The following RETREG1 variants were observed in gnomAD, a reference collection of about 807,000 sequenced individuals.
RETREG1 encodes the protein reticulophagy regulator 1.
In RETREG1, 44 loss-of-function variants were observed where a neutral mutation model predicts 54.8. That is an observed-to-expected ratio of 0.80 (90% CI 0.63 to 1.03). The LOEUF is 1.03. RETREG1 is among the 50% of genes least tolerant of loss of function. RETREG1 has a pLI of 0.00. For missense variants in RETREG1, 554 were observed against 605.1 expected, an observed-to-expected ratio of 0.92 and a Z score of 0.89; for synonymous variants, 217 against 238.5, an observed-to-expected ratio of 0.91 and a Z score of 0.83.
intron 3 of RETREG1, among the ~76,000 whole-genome samples, chr5:16,488,434 T>A (rs1739102345): frequency 6.6e-6 from 1 of 151,990 alleles, no homozygotes; most frequent in East Asian, 1.9e-4. Flanking sequence ...TGAGGAGACA[T>A]TGCTGAGGGT....
At chr5:16,592,723 A>T (rs1460521629) in intron 1 of RETREG1, among the ~76,000 whole-genome samples, 1 of 152,172 alleles carries the variant, frequency 6.6e-6, no homozygotes, top group Non-Finnish European at 1.5e-5. Context: ...GCCATAAAAA[A>T]AAAAATCATG....
chr5:16,524,702 C>T (rs1008241536), intron 3 of RETREG1, among the ~76,000 whole-genome samples: 10 of 152,356 alleles, frequency 6.6e-5, no homozygotes, highest in African/African-American at 2.4e-4. Context: ...CTGTTTGACA[C>T]TCCTGCTACT....
At chr5:16,606,759 C>T (rs1159589080) in intron 1 of RETREG1, among the ~76,000 whole-genome samples, 1 of 152,198 alleles carries the variant, frequency 6.6e-6, no homozygotes, top group Non-Finnish European at 1.5e-5. Flanking sequence ...AGCCTCTCTG[C>T]ACCACCATGT....
chr5:16,477,889 C>T, intron 7 of RETREG1, 101 bp from the exon 8 acceptor site: 2 of 1,463,928 alleles, frequency 1.4e-6, no homozygotes, highest in South Asian at 2.4e-5. Flanking sequence ...GTAATAAAAA[C>T]CAAATGGATA....
At chr5:16,560,626 G>C (rs1253729043) in intron 3 of RETREG1, among the ~76,000 whole-genome samples, 2 of 152,194 alleles carry the variant, frequency 1.3e-5, no homozygotes, top group East Asian at 1.9e-4. Context: ...TGCCATGTGA[G>C]GGGGAGGTTT....
At chr5:16,611,633 A>G (rs1273584153) in intron 1 of RETREG1, among the ~76,000 whole-genome samples, 1 of 152,246 alleles carries the variant, frequency 6.6e-6, no homozygotes, top group Non-Finnish European at 1.5e-5. Context: ...AGCTTTATTC[A>G]TAATAGTCAA....
intron 1 of RETREG1, among the ~76,000 whole-genome samples, chr5:16,579,547 C>A (rs530726392): frequency 6.6e-6 from 1 of 152,256 alleles, no homozygotes; most frequent in Admixed American, 6.5e-5. Flanking sequence ...TGACATATAT[C>A]CACCATTATA....
intron 1 of RETREG1, among the ~76,000 whole-genome samples, chr5:16,582,455 C>T (rs547740210): frequency 6.6e-6 from 1 of 151,282 alleles, no homozygotes; most frequent in East Asian, 1.9e-4. Flanking sequence ...ATCTGGTTTT[C>T]AAGTAACCAA....
chr5:16,495,860 A>C (rs1424273016), intron 3 of RETREG1, among the ~76,000 whole-genome samples: 1 of 152,042 alleles, frequency 6.6e-6, no homozygotes, highest in Non-Finnish European at 1.5e-5. Flanking sequence ...TTGAGTGCTG[A>C]CTGGGGACTA....
chr5:16,510,658 C>T (rs779768402), intron 3 of RETREG1, among the ~76,000 whole-genome samples: 3 of 151,664 alleles, frequency 2.0e-5, no homozygotes, highest in Non-Finnish European at 4.4e-5. Flanking sequence ...AGCGTGGTGA[C>T]GCATGCCTGT....
At chr5:16,517,629 A>C (rs75483788) in intron 3 of RETREG1, among the ~76,000 whole-genome samples, 15,614 of 152,114 alleles carry the variant, frequency 0.1, 897 homozygotes, top group African/African-American at 0.12. Flanking sequence ...CTCAGACTCC[A>C]TGCTGCGTTA....
At chr5:16,508,756 G>T in intron 3 of RETREG1, 8 of 1,505,374 alleles carry the variant, frequency 5.3e-6, no homozygotes, top group Non-Finnish European at 6.2e-6. Flanking sequence ...TTTCCTTTTT[G>T]GAAAAAAAGT....
chr5:16,556,395 C>T (rs1741709602), intron 3 of RETREG1, among the ~76,000 whole-genome samples: 1 of 152,050 alleles, frequency 6.6e-6, no homozygotes, highest in African/African-American at 2.4e-5. Context: ...CTCCTGACCT[C>T]GTGATCCTCC....
chr5:16,478,838 A>C lies in RETREG1; in HGVS notation c.808+12T>G. 1.2e-5 allele frequency: 19 copies of C among 1,610,348 alleles called. No homozygotes were observed. Among genetic ancestry groups the C allele is most frequent in the Non-Finnish European group, 1.5e-5 (18 of 1,177,276 alleles). On this transcript the variant is annotated intron_variant, in intron 6 of 8. Transcript: ENST00000306320. The stretch of plus-strand genomic sequence containing the variant: ...TTTCATGCATAGAATCTAAAATATA[A>C]ACTTTACCTACCAGATCTCTCACGT...
intron 3 of RETREG1, among the ~76,000 whole-genome samples, chr5:16,548,093 C>A (rs893729499): frequency 3.3e-5 from 5 of 152,068 alleles, no homozygotes; most frequent in Non-Finnish European, 5.9e-5. Flanking sequence ...TAAAAACACA[C>A]AACTCTATGA....
In RETREG1 at chr5:16,483,356, C is replaced by T. The variant is rs1265656520; in HGVS notation, c.575G>A (p.Ser192Asn). The T allele has an allele frequency of 6.2e-7, 1 of 1,613,234 alleles. No individual in the cohort carries two copies. ...LQEMSLFKQQ[S>N]PGKFCLLVCS... ...TACTGGAAAACTTGCCTTGCCAGGGCTCTGCTGTTTAAAAAGAGACATTTC... is the reference window on the plus strand; with the variant it reads ...TACTGGAAAACTTGCCTTGCCAGGGTTCTGCTGTTTAAAAAGAGACATTTC... The change falls in exon 4 of 9, where the codon AGC becomes AAC. Residue 192 changes from serine (S) to asparagine (N), a missense_variant. Physicochemically the swap from Ser to Asn is conservative, Grantham distance 46. Coordinates refer to ENST00000306320, the MANE Select transcript of RETREG1 (RefSeq NM_001034850.3).
In RETREG1 at chr5:16,616,954, A is replaced by C. The variant is rs773314283; in HGVS notation, c.18T>G (p.Pro6=). 4.0e-4 allele frequency: 582 copies of C among 1,438,036 alleles called. No individual in the cohort carries two copies. The highest frequency in any genetic ancestry group is 4.9e-4 in the Non-Finnish European group (539 of 1,098,364). The allele number at this position is 1,438,036 out of a possible 1,614,324, so 89.1% of individuals were successfully genotyped here. A position where few individuals can be genotyped will look rare whatever the true frequency, so the allele number is the denominator to read the frequency against. Residue 6 remains proline (P), a synonymous_variant, in exon 1 of 9, where the codon CCT becomes CCG. Coordinates refer to ENST00000306320, the MANE Select transcript of RETREG1 (RefSeq NM_001034850.3). ...GGCATCCCTCCTCGGCGTGCTCCGG[A>C]GGCGCCGGGCTCGCCATCTTCAGCT... MASPA[P]PEHAEEGCPA...
chr5:16,567,371 G>A, intron 2 of RETREG1, among the ~76,000 whole-genome samples: 1 of 152,174 alleles, frequency 6.6e-6, no homozygotes, highest in Non-Finnish European at 1.5e-5. Context: ...GAGGCTACCT[G>A]ATAGGCAACC....
At chr5:16,525,278 G>A (rs74864368) in intron 3 of RETREG1, among the ~76,000 whole-genome samples, 7 of 85,462 alleles carry the variant, frequency 8.2e-5, no homozygotes, top group South Asian at 5.5e-4. Context: ...GTGGATGTGC[G>A]CGGGGGGACA....
Sources: gnomAD v4.1 joint callset for allele counts (sites outside exome capture counted in the v4.1 genomes callset) on GRCh38, gnomAD v4.1.1 for gene constraint, MANE v1.5 for transcripts, NCBI Gene and HGNC (gene_info 2026-07-23, HGNC 2026-07-21) for gene names.